The following ANGEL2 variants were observed in gnomAD, a reference collection of about 807,000 sequenced individuals.
ANGEL2 encodes the protein RNA 2',3'-cyclic phosphatase ANGEL2.
A neutral mutation model predicts 66.0 loss-of-function variants in ANGEL2; 41 were observed. That is an observed-to-expected ratio of 0.62 (90% CI 0.48 to 0.81). The LOEUF (loss-of-function observed/expected upper bound fraction) is 0.81. Ranked by LOEUF, ANGEL2 falls within the 30% of genes least tolerant of loss-of-function variation. The pLI is 0.00. For synonymous variants in ANGEL2, 208 were observed against 226.5 expected (o/e 0.92, Z 0.73); for missense variants, 561 against 641.6 (o/e 0.87, Z 1.36).
rs1293013310 is a variant in ANGEL2 at position 213,008,318 on chromosome 1, ATC to A, written c.532_533del (p.Asp178PhefsTer5). ...AAAGGTGAGAGTTATCTTCCAGTAAATCTTGTGAAAGTATATTATAGGACATC... is the reference window on the plus strand; with the variant it reads ...AAAGGTGAGAGTTATCTTCCAGTAAATTGTGAAAGTATATTATAGGACATC... ...SVMSYNILSQ[D>X]LLEDNSHLYR... On this transcript the variant is annotated frameshift_variant, in exon 3 of 9. Transcript: ENST00000366962. LOFTEE classifies it high-confidence loss of function. 1 of 1,614,220 alleles carries A rather than the reference ATC, an allele frequency of 6.2e-7. No homozygotes were observed. Among genetic ancestry groups the A allele is most frequent in the East Asian group, 2.2e-5 (1 of 44,882 alleles).
At position 213,015,785 on chromosome 1, in the gene ANGEL2, C is replaced by T. The variant is rs1197374622; in HGVS notation, c.-114G>A. On this transcript the variant is annotated 5_prime_UTR_variant, in exon 1 of 9. It introduces an in-frame stop codon into an upstream open reading frame of the 5' UTR. Coordinates refer to ENST00000366962, the MANE Select transcript of ANGEL2 (RefSeq NM_144567.5). ...CCCCATCACTCTTAAGTACCGACTC[C>T]AGTCCTGGCTGCAAGGCATGCTGGG... 4 of 1,419,938 alleles carry T rather than the reference C, an allele frequency of 2.8e-6. No individual in the cohort carries two copies. In the African/African-American group the frequency reaches 5.6e-5, roughly 20 times the overall value. The allele number at this position is 1,419,938 out of a possible 1,614,324, so 88.0% of individuals were successfully genotyped here.
At chr1:212,999,498 A>G (rs1276025957) in intron 7 of ANGEL2, among the ~76,000 whole-genome samples, 1 of 152,210 alleles carries the variant, frequency 6.6e-6, no homozygotes, top group Non-Finnish European at 1.5e-5. Context: ...CATTCTTACT[A>G]GTTCTTATTT....
chr1:213,010,827 A>G (rs1455233906), intron 2 of ANGEL2, among the ~76,000 whole-genome samples: 1 of 152,250 alleles, frequency 6.6e-6, no homozygotes, highest in Non-Finnish European at 1.5e-5. Context: ...ATGTAATGGC[A>G]TATAAATGCA....
Position 212,997,166 on chromosome 1 carries a change from G to C in ANGEL2, c.1472C>G (p.Ala491Gly), listed in dbSNP as rs2076047528. ...CATGCATTCCTTACCTGGGTGCCCAGCAACATCTTCCTTTTCTGCAGAGTA... is the reference window on the plus strand; with the variant it reads ...CATGCATTCCTTACCTGGGTGCCCACCAACATCTTCCTTTTCTGCAGAGTA... ...IFYSAEKEDV[A>G]GHPGAEVALV... is the part of the protein sequence containing the mutation. Residue 491 changes from alanine (A) to glycine (G), a missense_variant, in exon 8 of 9, where the codon GCT becomes GGT. Transcript: ENST00000366962. The C allele has an allele frequency of 6.2e-7, 1 of 1,612,564 alleles. No individual in the cohort carries two copies. Among genetic ancestry groups the C allele is most frequent in the Non-Finnish European group, 8.5e-7 (1 of 1,178,848 alleles).
rs1558161006 is a variant in ANGEL2, at chr1:212,993,327, A to AC, written c.*1713dup. ...CCATCTAAAAAATAAAAAAATAAAA[A>AC]CCCCCCAAAATGAGAAATTAAATAT... On this transcript the variant is annotated 3_prime_UTR_variant, in exon 9 of 9. Transcript: ENST00000366962. 6.6e-6 allele frequency: 1 copy of AC among 151,728 alleles called. No homozygotes were observed. The highest frequency in any genetic ancestry group is 2.4e-5 in the African/African-American group (1 of 41,290). 9.4% of individuals were successfully genotyped at this position (151,728 alleles called of 1,614,324 possible). A position where few individuals can be genotyped will look rare whatever the true frequency, so the allele number is the denominator to read the frequency against.
At position 213,000,382 on chromosome 1, in the gene ANGEL2, G is replaced by C. The variant is rs1279401347; in HGVS notation, c.1263C>G (p.Asp421Glu). Reference sequence around the variant, plus strand: ...TCAGCTGTGTTTGTGTCAGATCACTGTCTGTAAGAATAGAGGAAAATATAT... The same window carrying C: ...TCAGCTGTGTTTGTGTCAGATCACTCTCTGTAAGAATAGAGGAAAATATAT... ...VQQVPKVEKTDSDLTQTQLKQ... is the reference protein window; with the variant it reads ...VQQVPKVEKTESDLTQTQLKQ... The change falls in exon 7 of 9, where the codon GAC (aspartate) becomes GAG (glutamate). Residue 421 changes from aspartate to glutamate, a missense_variant and splice_region_variant. Coordinates refer to ENST00000366962, the MANE Select transcript of ANGEL2 (RefSeq NM_144567.5). 6.2e-7 allele frequency: 1 copy of C among 1,612,342 alleles called. No individual in the cohort carries two copies. The highest frequency in any genetic ancestry group is 1.3e-5 in the African/African-American group (1 of 74,970).
At chr1:212,998,853 C>T (rs2076099971) in intron 7 of ANGEL2, among the ~76,000 whole-genome samples, 1 of 148,010 alleles carries the variant, frequency 6.8e-6, no homozygotes, top group African/African-American at 2.5e-5. Context: ...TTTTAGACAC[C>T]AAGGGCAAGT....
At chr1:213,006,716 T>C (rs2076339898) in intron 4 of ANGEL2, 1 of 164,744 alleles carries the variant, frequency 6.1e-6, no homozygotes, top group African/African-American at 2.4e-5. Flanking sequence ...GCTACTAAGA[T>C]ATTCTTACAC....
rs770097477 is a variant in ANGEL2 at position 213,013,395 on chromosome 1, G to C, written c.83C>G (p.Ser28Trp). The change falls in exon 2 of 9, where the codon TCG becomes TGG. Residue 28 changes from serine to tryptophan, a missense_variant. By Grantham distance (177) the Ser-to-Trp change is radical (BLOSUM62 -3). Transcript: ENST00000366962. Reference protein sequence around the residue: ...RGRYPMFPHHSRSLGRDWTTP... With the variant: ...RGRYPMFPHHWRSLGRDWTTP... ...AGTCCAGTCTCTGCCCAGACTCCTC[G>C]AGTGATGGGGAAACATGGGGTATCT... The C allele has an allele frequency of 2.5e-6, 4 of 1,613,326 alleles. No homozygotes were observed. In the South Asian group the frequency reaches 4.4e-5, roughly 18 times the overall value.
chr1:213,014,614 A>G (rs1172818807), intron 1 of ANGEL2, among the ~76,000 whole-genome samples: 2 of 152,134 alleles, frequency 1.3e-5, no homozygotes, highest in African/African-American at 2.4e-5. Context: ...TATTATCTAT[A>G]TTTGCAGTTA....
chr1:213,013,327 T>TA lies in ANGEL2; in HGVS notation c.150dup (p.Ile51TyrfsTer3). On this transcript the variant is annotated frameshift_variant, in exon 2 of 9. Coordinates refer to ENST00000366962, the MANE Select transcript of ANGEL2 (RefSeq NM_144567.5). LOFTEE classifies it high-confidence loss of function. ...CCAGGCCACCTCATACAACTAGAAA[T>TA]ATGTCTGTTCCAGCAACACCTTTGC... The TA allele has an allele frequency of 6.2e-7, 1 of 1,614,100 alleles. No individual in the cohort carries two copies. The highest frequency in any genetic ancestry group is 8.5e-7 in the Non-Finnish European group (1 of 1,180,002).
intron 1 of ANGEL2, 111 bp from the exon 2 acceptor site, chr1:213,013,529 C>T: frequency 3.0e-6 from 3 of 1,007,898 alleles, no homozygotes; most frequent in Non-Finnish European, 4.3e-6. Context: ...TAAAATCTGG[C>T]TGCTAAATCT....
chr1:213,010,179 C>A (rs1192547914), intron 2 of ANGEL2, among the ~76,000 whole-genome samples: 1 of 152,098 alleles, frequency 6.6e-6, no homozygotes, highest in African/African-American at 2.4e-5. Context: ...CTATCATTCA[C>A]TGAAGATAGG....
Position 212,997,308 on chromosome 1 carries a change from T to A in ANGEL2, c.1330A>T (p.Asn444Tyr), listed in dbSNP as rs147366717. The stretch of plus-strand genomic sequence containing the variant: ...GACAAACTGAAATGGTGCTGTAAAT[T>A]TGAAGACAATCTAAATAGAAAAGAA... Reference protein sequence around the residue: ...VLVTAEKLSSNLQHHFSLSSV... With the variant: ...VLVTAEKLSSYLQHHFSLSSV... Residue 444 changes from asparagine (N) to tyrosine (Y), a missense_variant, in exon 8 of 9, where the codon AAT becomes TAT. By Grantham distance (143) the Asn-to-Tyr change is moderately radical. Transcript: ENST00000366962. 1 of 1,606,302 alleles carries A rather than the reference T, an allele frequency of 6.2e-7. No homozygotes were observed. Among genetic ancestry groups the A allele is most frequent in the Admixed American group, 1.7e-5 (1 of 59,880 alleles).
chr1:212,995,618 A>C (rs1477259269), intron 8 of ANGEL2, among the ~76,000 whole-genome samples: 1 of 152,264 alleles, frequency 6.6e-6, no homozygotes, highest in African/African-American at 2.4e-5. Context: ...CAGCACCCAC[A>C]GAAGTGAAGA....
chr1:212,995,540 G>C (rs2075971393), intron 8 of ANGEL2, among the ~76,000 whole-genome samples: 1 of 152,120 alleles, frequency 6.6e-6, no homozygotes, highest in Non-Finnish European at 1.5e-5. Flanking sequence ...AGAGACACCG[G>C]GCCACAGCCC....
intron 4 of ANGEL2, among the ~76,000 whole-genome samples, chr1:213,006,181 G>T (rs1027042338): frequency 3.9e-5 from 6 of 152,128 alleles, no homozygotes; most frequent in Non-Finnish European, 8.8e-5. Flanking sequence ...GCTAATGAAG[G>T]CCAGGCGTGG....
At chr1:213,004,672 A>G (rs572814386) in intron 5 of ANGEL2, among the ~76,000 whole-genome samples, 1 of 152,072 alleles carries the variant, frequency 6.6e-6, no homozygotes, top group African/African-American at 2.4e-5. Context: ...GTTCGAGACC[A>G]GCCTGGTCAA....
At chr1:213,009,026 G>A (rs1022498530) in intron 2 of ANGEL2, among the ~76,000 whole-genome samples, 2 of 152,238 alleles carry the variant, frequency 1.3e-5, no homozygotes, top group Admixed American at 1.3e-4. Flanking sequence ...AAACACTGAA[G>A]TGGAACATGC....
Sources: allele counts gnomAD v4.1 joint callset (sites outside exome capture counted in the v4.1 genomes callset), GRCh38; gene constraint gnomAD v4.1.1; transcripts MANE v1.5; gene names NCBI Gene and HGNC (gene_info 2026-07-23, HGNC 2026-07-21).